NALF1: variants seen among roughly 807,000 people sequenced by gnomAD.
NALF1 encodes family with sequence similarity 155 member A.
In NALF1, 3 loss-of-function variants were observed where a neutral mutation model predicts 48.4. That is an observed-to-expected ratio of 0.06 (90% CI 0.03 to 0.16). NALF1 has a LOEUF of 0.16. Among genes scored for constraint, NALF1 ranks in the 10% least tolerant of loss-of-function variants. The pLI is 1.00. For missense variants in NALF1, 526 were observed against 571.5 expected (o/e 0.92, Z 0.81); for synonymous variants, 262 against 245.7 (o/e 1.07, Z -0.62).
At chr13:107,361,228 G>A (rs1459205829) in intron 1 of NALF1, among the ~76,000 whole-genome samples, 2 of 152,156 alleles carry the variant, frequency 1.3e-5, no homozygotes, top group Admixed American at 1.3e-4. Context: ...CAAATGAGCT[G>A]GAGGAACTGA....
chr13:107,804,379 T>C (rs2138599917), intron 1 of NALF1, among the ~76,000 whole-genome samples: 2 of 151,998 alleles, frequency 1.3e-5, no homozygotes, highest in East Asian at 3.9e-4. Flanking sequence ...CCACTTCCCT[T>C]TCCTTGAGGC....
At chr13:107,471,959 A>G (rs1163893902) in intron 1 of NALF1, among the ~76,000 whole-genome samples, 1 of 152,234 alleles carries the variant, frequency 6.6e-6, no homozygotes, top group Non-Finnish European at 1.5e-5. Flanking sequence ...CCTATTCTGT[A>G]TATCCCTGTG....
chr13:107,771,887 C>T (rs1023533246), intron 1 of NALF1, among the ~76,000 whole-genome samples: 61 of 152,036 alleles, frequency 4.0e-4, no homozygotes, highest in Non-Finnish European at 7.9e-4. Context: ...CAGGCACATG[C>T]CACCACCCCC....
intron 1 of NALF1, among the ~76,000 whole-genome samples, chr13:107,625,663 C>T (rs1879650186): frequency 6.6e-6 from 1 of 152,096 alleles, no homozygotes; most frequent in Non-Finnish European, 1.5e-5. Flanking sequence ...CTTCACCATT[C>T]CCTCATATAG....
At chr13:107,489,578 T>C (rs191337662) in intron 1 of NALF1, among the ~76,000 whole-genome samples, 4 of 152,096 alleles carry the variant, frequency 2.6e-5, no homozygotes, top group East Asian at 1.9e-4. Context: ...ATGCAGAAAA[T>C]TGAAACTAGA....
rs570629652 is a variant in NALF1, at chr13:107,451,590, T to C, written c.916-240835A>G. On this transcript the variant is annotated intron_variant, in intron 1 of 2. Transcript: ENST00000375915. ...CTCCAGGTATTTCAGCTCCTTTCTC[T>C]TCCATCAGCATTTTTATTCTCTTTC... Among the ~76,000 whole-genome samples, 8 of 152,286 alleles carry C rather than the reference T, an allele frequency of 5.3e-5. No individual in the cohort carries two copies. The South Asian group carries it at 1.7e-3, about 32-fold the overall frequency.
intron 1 of NALF1, among the ~76,000 whole-genome samples, chr13:107,349,856 T>C (rs1466611530): frequency 6.6e-6 from 1 of 152,134 alleles, no homozygotes; most frequent in Non-Finnish European, 1.5e-5. Context: ...CTTGTTTATA[T>C]TCTCTATTGC....
At chr13:107,452,057 A>G (rs1398453034) in intron 1 of NALF1, among the ~76,000 whole-genome samples, 1 of 151,650 alleles carries the variant, frequency 6.6e-6, no homozygotes, top group African/African-American at 2.4e-5. Flanking sequence ...GTGTCTATCC[A>G]TATAGTGTAT....
chr13:107,178,704 C>G (rs960982524), intron 2 of NALF1, among the ~76,000 whole-genome samples: 24 of 152,068 alleles, frequency 1.6e-4, no homozygotes, highest in Non-Finnish European at 2.4e-4. Context: ...AGCACTTTGG[C>G]AGGCCAAGGC....
At chr13:107,585,531 A>T (rs1566403841) in intron 1 of NALF1, among the ~76,000 whole-genome samples, 1 of 152,176 alleles carries the variant, frequency 6.6e-6, no homozygotes, top group Non-Finnish European at 1.5e-5. Flanking sequence ...TCTTTTCTTA[A>T]GGAAAAAATA....
chr13:107,281,002 A>T (rs1332035241), intron 1 of NALF1, among the ~76,000 whole-genome samples: 1 of 152,222 alleles, frequency 6.6e-6, no homozygotes, highest in Non-Finnish European at 1.5e-5. Context: ...ACTATGATGC[A>T]TGTCTATCTT....
chr13:107,226,761 T>A (rs1426712690), intron 1 of NALF1, among the ~76,000 whole-genome samples: 1 of 151,962 alleles, frequency 6.6e-6, no homozygotes, highest in Non-Finnish European at 1.5e-5. Context: ...TAGATAAAGG[T>A]CTTACATGTA....
chr13:107,700,505 T>A (rs1036639802), intron 1 of NALF1, among the ~76,000 whole-genome samples: 1 of 151,944 alleles, frequency 6.6e-6, no homozygotes, highest in Non-Finnish European at 1.5e-5. Flanking sequence ...GAATAAAGGC[T>A]CTAAATGTAT....
intron 1 of NALF1, among the ~76,000 whole-genome samples, chr13:107,273,399 G>T (rs1277699487): frequency 6.6e-6 from 1 of 152,142 alleles, no homozygotes; most frequent in African/African-American, 2.4e-5. Context: ...AAATAGATTT[G>T]CATGCTTTTT....
chr13:107,685,676 T>C (rs952534244), intron 1 of NALF1, among the ~76,000 whole-genome samples: 3 of 152,224 alleles, frequency 2.0e-5, no homozygotes, highest in South Asian at 2.1e-4. Context: ...TTGAATTTTG[T>C]TTCAGCAGTA....
rs78011288 is a variant in NALF1, at chr13:107,690,248, G to C, written c.915+175434C>G. Reference sequence around the variant, plus strand: ...CTTAGCCATGACATTATGCTTTAAGGGTTAATGCACTCGAAGCTTCAAATG... The same window carrying C: ...CTTAGCCATGACATTATGCTTTAAGCGTTAATGCACTCGAAGCTTCAAATG... On this transcript the variant is annotated intron_variant, in intron 1 of 2. Coordinates refer to ENST00000375915, the MANE Select transcript of NALF1 (RefSeq NM_001080396.3). Among the ~76,000 whole-genome samples the C allele has an allele frequency of 9.4e-3, 1,429 of 152,182 alleles. 14 individuals carry two copies. Among genetic ancestry groups the C allele is most frequent in the Non-Finnish European group, 0.011 (762 of 68,006 alleles).
At chr13:107,665,460 T>A (rs1394711490) in intron 1 of NALF1, among the ~76,000 whole-genome samples, 2 of 152,184 alleles carry the variant, frequency 1.3e-5, no homozygotes, top group African/African-American at 4.8e-5. Context: ...CTAACCAGTT[T>A]CCATATTAGC....
At chr13:107,270,078 G>T (rs1266544856) in intron 1 of NALF1, among the ~76,000 whole-genome samples, 1 of 151,718 alleles carries the variant, frequency 6.6e-6, no homozygotes, top group East Asian at 1.9e-4. Context: ...CCAGAAATAT[G>T]TTTCTTATAA....
intron 1 of NALF1, among the ~76,000 whole-genome samples, chr13:107,620,782 T>C (rs1343604947): frequency 1.3e-5 from 2 of 152,346 alleles, no homozygotes; most frequent in Admixed American, 1.3e-4. Flanking sequence ...CCCACTGGAC[T>C]ATGTGACAGA....
Sources: gnomAD v4.1 joint callset for allele counts (sites outside exome capture counted in the v4.1 genomes callset) on GRCh38, gnomAD v4.1.1 for gene constraint, MANE v1.5 for transcripts, NCBI Gene and HGNC (gene_info 2026-07-23, HGNC 2026-07-21) for gene names.